CFAP43: variants seen among roughly 807,000 people sequenced by gnomAD.
CFAP43 encodes the protein cilia- and flagella-associated protein 43.
Under a neutral mutation model 218.9 loss-of-function variants are expected in CFAP43, and 155 were observed. The ratio of observed to expected loss-of-function variants is 0.71; its 90% CI spans 0.62 to 0.81. CFAP43 has a LOEUF of 0.81. CFAP43 is among the 30% of genes least tolerant of loss of function. The probability of loss-of-function intolerance (pLI) is 0.00; values close to 1 mark genes in which losing one functional copy is unlikely to be tolerated. For synonymous variants in CFAP43, 645 were observed against 681.3 expected, an observed-to-expected ratio of 0.95 and a Z score of 0.83; for missense variants, 1,778 against 1,954.3, an observed-to-expected ratio of 0.91 and a Z score of 1.70.
chr10:104,131,044 T>C (rs2087164954), intron 37 of CFAP43, among the ~76,000 whole-genome samples: 1 of 140,180 alleles, frequency 7.1e-6, no homozygotes, highest in South Asian at 2.3e-4. Flanking sequence ...TGGGGACTAC[T>C]AGAGGGAGGA....
At chr10:104,166,882 G>A (rs769059675) in intron 22 of CFAP43, among the ~76,000 whole-genome samples, 164 bp from the exon 23 acceptor site, 8 of 152,194 alleles carry the variant, frequency 5.3e-5, no homozygotes, top group Non-Finnish European at 8.8e-5. Flanking sequence ...TGCTGCAGAA[G>A]AGATTAAGGC....
intron 35 of CFAP43, chr10:104,132,842 T>C (rs918594233): frequency 9.3e-5 from 89 of 955,778 alleles, no homozygotes; most frequent in African/African-American, 1.2e-4. Flanking sequence ...CTGAGGGAGA[T>C]ACAAAGATAG....
chr10:104,140,747 T>C, intron 34 of CFAP43, 95 bp downstream of exon 34: 1 of 1,007,738 alleles, frequency 9.9e-7, no homozygotes, highest in South Asian at 1.8e-5. Flanking sequence ...TAGCTAAGGG[T>C]TAAGGCTGCA....
intron 2 of CFAP43, among the ~76,000 whole-genome samples, chr10:104,227,487 T>C (rs1392626684): frequency 1.3e-5 from 2 of 152,220 alleles, no homozygotes; most frequent in African/African-American, 2.4e-5. Flanking sequence ...AAAAATAGCA[T>C]CTTGGTTTAA....
At chr10:104,222,952 A>G (rs1481151400) in intron 3 of CFAP43, among the ~76,000 whole-genome samples, 3 of 152,254 alleles carry the variant, frequency 2.0e-5, no homozygotes, top group Non-Finnish European at 4.4e-5. Flanking sequence ...CTTTCTATAA[A>G]GGACCAGACA....
intron 3 of CFAP43, among the ~76,000 whole-genome samples, chr10:104,214,898 G>A (rs563285181): frequency 6.4e-4 from 98 of 152,184 alleles, no homozygotes; most frequent in Non-Finnish European, 1.2e-3. Context: ...AGCACTTTGG[G>A]AGGCCAAAGC....
chr10:104,181,153 C>T (rs776113703), intron 17 of CFAP43, among the ~76,000 whole-genome samples: 1 of 152,098 alleles, frequency 6.6e-6, no homozygotes, highest in South Asian at 2.1e-4. Context: ...TCATAGCTGC[C>T]CCCTTCCCCC....
chr10:104,132,962 T>A (rs2087265925), intron 35 of CFAP43: 1 of 213,660 alleles, frequency 4.7e-6, no homozygotes, highest in South Asian at 1.7e-4. Flanking sequence ...GAGATGGAAT[T>A]TCTCCAGGCT....
chr10:104,202,146 C>T (rs1057048442), intron 8 of CFAP43, among the ~76,000 whole-genome samples: 1 of 152,220 alleles, frequency 6.6e-6, no homozygotes, highest in Non-Finnish European at 1.5e-5. Context: ...GAAAAACATG[C>T]AGCAGGCTAG....
chr10:104,171,472 A>G (rs1043712973), intron 20 of CFAP43, among the ~76,000 whole-genome samples: 2 of 152,214 alleles, frequency 1.3e-5, no homozygotes, highest in African/African-American at 2.4e-5. Context: ...GTCCTGGGGT[A>G]CATGGTGGAA....
In CFAP43 at chr10:104,212,064, G is replaced by A. The variant is rs144195868; in HGVS notation, c.678C>T (p.Pro226=). The A allele has an allele frequency of 4.0e-5, 64 of 1,613,662 alleles. No individual in the cohort carries two copies. The highest frequency in any genetic ancestry group is 1.9e-5 in the Non-Finnish European group (22 of 1,179,854). ...CGGCAATGGCTGACAGTGGCAGCAC[G>A]GGACCATAGATGAGATCTTTCGGCA... ...QSLPKDLIYG[P]VLPLSAIAGL... Residue 226 remains proline (P), a synonymous_variant, in exon 5 of 38, where the codon CCC becomes CCT. Transcript: ENST00000357060.
intron 12 of CFAP43, among the ~76,000 whole-genome samples, chr10:104,190,534 G>A (rs1410628944): frequency 6.6e-6 from 1 of 152,156 alleles, no homozygotes; most frequent in African/African-American, 2.4e-5. Flanking sequence ...CTATCATTAA[G>A]CCTTGAACTA....
In CFAP43 at chr10:104,184,879, A is replaced by G. The variant is rs2089980213; in HGVS notation, c.2141+137T>C. On this transcript the variant is annotated intron_variant, in intron 16 of 37. Transcript: ENST00000357060. The stretch of plus-strand genomic sequence containing the variant: ...GAATGCAGTGTACGCTTCTCTTGGG[A>G]TCTGTGAGTATAACAAACTTTCTTT... 5 of 1,363,972 alleles carry G rather than the reference A, an allele frequency of 3.7e-6. No individual in the cohort carries two copies. In the African/African-American group the frequency reaches 7.4e-5, roughly 20 times the overall value. 84.5% of individuals were successfully genotyped at this position (1,363,972 alleles called of 1,614,324 possible).
chr10:104,154,900 T>C (rs1365722320), intron 27 of CFAP43, among the ~76,000 whole-genome samples: 1 of 152,188 alleles, frequency 6.6e-6, no homozygotes, highest in Non-Finnish European at 1.5e-5. Flanking sequence ...GAAGAGTTCC[T>C]TGGGCCCTGT....
chr10:104,164,488 C>T (rs2089050662), intron 23 of CFAP43, among the ~76,000 whole-genome samples, 188 bp from the exon 24 acceptor site: 1 of 151,840 alleles, frequency 6.6e-6, no homozygotes, highest in Admixed American at 6.6e-5. Context: ...AGCTCCGCCT[C>T]CCGGGTTCAC....
intron 27 of CFAP43, among the ~76,000 whole-genome samples, chr10:104,154,144 A>C (rs2134783937): frequency 6.6e-6 from 1 of 152,310 alleles, no homozygotes; most frequent in African/African-American, 2.4e-5. Context: ...AATTTGTGGA[A>C]AGATACTTTG....
intron 8 of CFAP43, among the ~76,000 whole-genome samples, chr10:104,202,783 T>C (rs1419908530): frequency 6.6e-6 from 1 of 151,948 alleles, no homozygotes; most frequent in East Asian, 1.9e-4. Context: ...ATATTTTAAG[T>C]TAGTCATTTA....
At chr10:104,196,631 A>G (rs1301096968) in intron 10 of CFAP43, among the ~76,000 whole-genome samples, 1 of 152,212 alleles carries the variant, frequency 6.6e-6, no homozygotes, top group African/African-American at 2.4e-5. Context: ...GCCACCACAG[A>G]AAAACTTATT....
Position 104,205,971 on chromosome 10 carries a change from A to T in CFAP43, c.955T>A (p.Ser319Thr). Reference protein sequence around the residue: ...LVYQKEGVLASGIDGFVYSFI... With the variant: ...LVYQKEGVLATGIDGFVYSFI... ...AAAAAAGAATACATTACAATTCCAG[A>T]AGCCAGCACGCCCTCCTTCTGATAT... is the stretch of plus-strand genomic sequence containing the variant. The change falls in exon 7 of 38, where the codon TCT becomes ACT. Residue 319 changes from serine to threonine, a missense_variant. This residue lies in a region of CFAP43 where 1,553 missense variants were observed against 1,685.2 expected (regional missense o/e 0.92). Transcript: ENST00000357060. 6.2e-7 allele frequency: 1 copy of T among 1,606,806 alleles called. No homozygotes were observed. The highest frequency in any genetic ancestry group is 8.5e-7 in the Non-Finnish European group (1 of 1,178,412).
Sources: allele counts gnomAD v4.1 joint callset (sites outside exome capture counted in the v4.1 genomes callset), GRCh38; gene constraint gnomAD v4.1.1; regional missense constraint gnomAD v4.1.1; transcripts MANE v1.5; gene names NCBI Gene and HGNC (gene_info 2026-07-23, HGNC 2026-07-21).